The following MPHOSPH9 variants were observed in gnomAD, a reference collection of about 807,000 sequenced individuals.
MPHOSPH9 encodes M-phase phosphoprotein 9.
MPHOSPH9 carries 88 observed loss-of-function variants against 145.5 expected under a neutral mutation model. The ratio of observed to expected loss-of-function variants is 0.60; its 90% CI spans 0.51 to 0.72. MPHOSPH9 has a LOEUF of 0.72. MPHOSPH9 is among the 30% of genes least tolerant of loss of function. MPHOSPH9 has a pLI of 0.00. For synonymous variants in MPHOSPH9, 435 were observed against 486.2 expected (o/e 0.89, Z 1.39); for missense variants, 1,238 against 1,386.6 (o/e 0.89, Z 1.70).
At chr12:123,208,602 C>T (rs1239842473) in intron 8 of MPHOSPH9, among the ~76,000 whole-genome samples, 2 of 147,242 alleles carry the variant, frequency 1.4e-5, no homozygotes, top group Admixed American at 6.8e-5. Flanking sequence ...GATCGCATAA[C>T]AAATGAAAAT....
upstream of MPHOSPH9, among the ~76,000 whole-genome samples, chr12:123,236,600 A>T (rs1165035238): frequency 6.6e-6 from 1 of 152,128 alleles, no homozygotes; most frequent in Non-Finnish European, 1.5e-5. Flanking sequence ...CTCAAAAAAA[A>T]AAAAAAGAAG....
intron 6 of MPHOSPH9, among the ~76,000 whole-genome samples, chr12:123,218,169 T>C (rs1445454925): frequency 6.6e-6 from 1 of 151,776 alleles, no homozygotes; most frequent in Non-Finnish European, 1.5e-5. Context: ...GAGGCAGAAG[T>C]TGAAGTGAGC....
chr12:123,215,826 A>C (rs558032063), intron 6 of MPHOSPH9, among the ~76,000 whole-genome samples: 21 of 152,338 alleles, frequency 1.4e-4, no homozygotes, highest in Non-Finnish European at 2.1e-4. Flanking sequence ...GTAAAAGCAC[A>C]CTGAAATAAC....
chr12:123,222,242 T>C (rs751576365), intron 4 of MPHOSPH9, among the ~76,000 whole-genome samples: 7 of 151,834 alleles, frequency 4.6e-5, no homozygotes, highest in Non-Finnish European at 1.0e-4. Flanking sequence ...GGAGAATTTC[T>C]TGAACCCAGG....
chr12:123,195,451 T>C (rs1448394013), intron 12 of MPHOSPH9, among the ~76,000 whole-genome samples: 1 of 151,932 alleles, frequency 6.6e-6, no homozygotes, highest in Non-Finnish European at 1.5e-5. Flanking sequence ...CTGGGCTTAA[T>C]GGCAGGCGCC....
rs1181603567 is a variant in MPHOSPH9 at position 123,202,667 on chromosome 12, A to T, written c.1738T>A (p.Cys580Ser). 6.2e-7 allele frequency: 1 copy of T among 1,614,210 alleles called. No homozygotes were observed. Among genetic ancestry groups the T allele is most frequent in the South Asian group, 1.1e-5 (1 of 91,084 alleles). The stretch of plus-strand genomic sequence containing the variant: ...TCTTCCAAGGAAGTCAATGAAATGC[A>T]TTCTGGGACACTGTTGGCTGTACCT... ...LPGTANSVPE[C>S]ISLTSLEDPV... Residue 580 changes from cysteine (C) to serine (S), a missense_variant, in exon 10 of 24, where the codon TGC (cysteine) becomes AGC (serine). Physicochemically the swap from Cys to Ser is moderately radical, Grantham distance 112. Around this residue, in one of 3 missense-constraint regions of MPHOSPH9, gnomAD observed 837 missense variants for 897.5 expected, o/e 0.93. Transcript: ENST00000606320.
intron 5 of MPHOSPH9, among the ~76,000 whole-genome samples, chr12:123,220,377 AAC>A (rs1254486812): frequency 6.6e-6 from 1 of 151,916 alleles, no homozygotes; most frequent in Non-Finnish European, 1.5e-5. Context: ...CAGCCTGGCC[AAC>A]ACAGCGGAAC....
intron 19 of MPHOSPH9, 71 bp downstream of exon 19, chr12:123,163,879 A>G (rs2044205260): frequency 1.3e-6 from 2 of 1,582,820 alleles, no homozygotes; most frequent in Non-Finnish European, 1.7e-6. Context: ...ACAGGCAAGC[A>G]GCGGGCACAA....
intron 12 of MPHOSPH9, among the ~76,000 whole-genome samples, chr12:123,195,462 T>C (rs1593157916): frequency 6.6e-6 from 1 of 151,884 alleles, no homozygotes; most frequent in Admixed American, 6.6e-5. Context: ...GGCAGGCGCC[T>C]GTAATCCCAG....
intron 14 of MPHOSPH9, 56 bp from the exon 15 acceptor site, chr12:123,180,046 T>C: frequency 1.1e-6 from 1 of 952,086 alleles, no homozygotes; most frequent in Non-Finnish European, 1.5e-6. Context: ...ACATGAATTA[T>C]TTTAAAATGC....
chr12:123,216,992 A>AAAAT (rs147074304), intron 6 of MPHOSPH9, among the ~76,000 whole-genome samples: 379 of 149,184 alleles, frequency 2.5e-3, no homozygotes, highest in African/African-American at 7.1e-3. Context: ...CCATGTCAAA[A>AAAAT]AAATAAATAA....
Position 123,185,098 on chromosome 12 carries a change from C to T in MPHOSPH9, c.2242-3888G>A, listed in dbSNP as rs527729400. The stretch of plus-strand genomic sequence containing the variant: ...AGATTATAGGCGTGAGCCACCACAC[C>T]CAGCCTAGTGCCTCTTAAATGTGAG... On this transcript the variant is annotated intron_variant, in intron 13 of 23. Coordinates refer to ENST00000606320, the MANE Select transcript of MPHOSPH9 (RefSeq NM_022782.4). Among the ~76,000 whole-genome samples the T allele has an allele frequency of 2.6e-5, 4 of 152,222 alleles. No homozygotes were observed. In the South Asian group the frequency reaches 8.3e-4, roughly 32 times the overall value.
intron 1 of MPHOSPH9, among the ~76,000 whole-genome samples, chr12:123,243,326 C>T (rs1593277553): frequency 6.6e-6 from 1 of 151,616 alleles, no homozygotes; most frequent in African/African-American, 2.4e-5. Context: ...GTCAGGAAAT[C>T]GAGAACAGCC....
rs914318015 is a variant in MPHOSPH9 at position 123,159,356 on chromosome 12, G to T, written c.3450+1425C>A. On this transcript the variant is annotated intron_variant, in intron 23 of 23. Transcript: ENST00000606320. The surrounding 1 kb of genome is among the most constrained non-coding windows in gnomAD (Gnocchi z 4.3). ...TTTTTTGTATTTTTAGTAGAGATGGGGTTTTGCCATGTTGGCCAGGCTGGT... is the reference window on the plus strand; with the variant it reads ...TTTTTTGTATTTTTAGTAGAGATGGTGTTTTGCCATGTTGGCCAGGCTGGT... Among the ~76,000 whole-genome samples the T allele has an allele frequency of 6.6e-6, 1 of 152,000 alleles. No individual in the cohort carries two copies. The highest frequency in any genetic ancestry group is 2.4e-5 in the African/African-American group (1 of 41,402).
chr12:123,225,460 A>G (rs1466100647), intron 3 of MPHOSPH9, among the ~76,000 whole-genome samples: 1 of 143,860 alleles, frequency 7.0e-6, no homozygotes, highest in Non-Finnish European at 1.5e-5. Context: ...AAAAAAAAAA[A>G]GAAAGAAAGA....
chr12:123,162,798 T>A (rs548339392), intron 20 of MPHOSPH9: 11 of 441,114 alleles, frequency 2.5e-5, no homozygotes, highest in Non-Finnish European at 4.3e-5. Context: ...GAGGTGATAA[T>A]TTAAAATCTA....
chr12:123,174,741 T>C (rs1285269394), intron 16 of MPHOSPH9, among the ~76,000 whole-genome samples: 1 of 152,176 alleles, frequency 6.6e-6, no homozygotes, highest in African/African-American at 2.4e-5. Flanking sequence ...TAATTGCCTA[T>C]TTGATTTCCA....
intron 7 of MPHOSPH9, among the ~76,000 whole-genome samples, chr12:123,212,137 A>G (rs751990278): frequency 3.9e-5 from 6 of 152,176 alleles, no homozygotes; most frequent in Non-Finnish European, 8.8e-5. Context: ...ATAGGTGGTA[A>G]GCACTCTGAT....
At chr12:123,209,993 C>T (rs1593199101) in intron 8 of MPHOSPH9, 63 bp downstream of exon 8, 1 of 1,173,368 alleles carries the variant, frequency 8.5e-7, no homozygotes, top group Non-Finnish European at 1.2e-6. Flanking sequence ...ACCTCGGCCT[C>T]CCAAAGCGCT....
Sources: gnomAD v4.1 joint callset for allele counts (sites outside exome capture counted in the v4.1 genomes callset) on GRCh38, gnomAD v4.1.1 for gene constraint, gnomAD v4.1.1 regional missense constraint, Gnocchi (gnomAD v3.1) non-coding constraint, MANE v1.5 for transcripts, NCBI Gene and HGNC (gene_info 2026-07-23, HGNC 2026-07-21) for gene names.